The following PTPN20 variants were observed in gnomAD, a reference collection of about 807,000 sequenced individuals.
PTPN20 encodes the protein protein tyrosine phosphatase non-receptor type 20.
PTPN20 carries 9 observed loss-of-function variants against 35.0 expected under a neutral mutation model. The ratio of observed to expected loss-of-function variants is 0.26; its 90% CI spans 0.15 to 0.45. The LOEUF is 0.45. Among genes scored for constraint, PTPN20 ranks in the 20% least tolerant of loss-of-function variants. The pLI, the probability that PTPN20 is intolerant of heterozygous loss-of-function variation, is 1.00. For synonymous variants in PTPN20, 32 were observed against 100.2 expected (o/e 0.32, Z 4.06); for missense variants, 111 against 312.5 (o/e 0.36, Z 4.86).
At chr10:46,998,595 A>G (rs979185068) in intron 9 of PTPN20, among the ~76,000 whole-genome samples, 42 of 151,896 alleles carry the variant, frequency 2.8e-4, no homozygotes, top group Non-Finnish European at 4.9e-4. Flanking sequence ...CATATGATAT[A>G]ATTGCATGGA....
At chr10:46,919,339 AC>A (rs1353828175) in intron 1 of PTPN20, among the ~76,000 whole-genome samples, 2 of 148,974 alleles carry the variant, frequency 1.3e-5, no homozygotes, top group East Asian at 3.9e-4. Context: ...CGCTTGCCTT[AC>A]CTGTTCTTTA....
At chr10:46,928,174 A>T (rs1217609638) in intron 1 of PTPN20, among the ~76,000 whole-genome samples, 6 of 151,826 alleles carry the variant, frequency 4.0e-5, no homozygotes, top group Admixed American at 1.3e-4. Context: ...AGCATTGTTG[A>T]TATAGGGTCT....
chr10:46,932,266 T>C, intron 1 of PTPN20, 111 bp from the exon 2 acceptor site: 3 of 1,403,570 alleles, frequency 2.1e-6, no homozygotes, highest in Admixed American at 2.9e-5. Context: ...ATTTTGTCTT[T>C]AATTAAAATT....
At chr10:46,956,662 A>AG (rs1208751073) in intron 5 of PTPN20, among the ~76,000 whole-genome samples, 40 of 83,562 alleles carry the variant, frequency 4.8e-4, no homozygotes, top group African/African-American at 2.2e-3. Context: ...TTTGAAATCA[A>AG]GAAGTGTGAG....
At chr10:46,928,381 G>A (rs1167262993) in intron 1 of PTPN20, among the ~76,000 whole-genome samples, 1 of 151,016 alleles carries the variant, frequency 6.6e-6, no homozygotes, top group African/African-American at 2.4e-5. Flanking sequence ...TCTTTTTGTG[G>A]CTTTTTAAAA....
rs1260597302 is a variant in PTPN20, at chr10:47,001,015, A to G, written c.*274A>G. 1 of 516,966 alleles carries G rather than the reference A, an allele frequency of 1.9e-6. No individual in the cohort carries two copies. The highest frequency in any genetic ancestry group is 3.5e-6 in the Non-Finnish European group (1 of 284,940). The allele number at this position is 516,966 out of a possible 1,614,324, so 32.0% of individuals were successfully genotyped here. On this transcript the variant is annotated 3_prime_UTR_variant, in exon 11 of 11. Transcript: ENST00000374339. ...TACATAAAACGATTGCAGCTTGGCT[A>G]TTTGGTTGAAGGGATTACAGAGCCC...
At chr10:46,999,702 A>G (rs2059763845) in intron 9 of PTPN20, among the ~76,000 whole-genome samples, 1 of 152,186 alleles carries the variant, frequency 6.6e-6, no homozygotes, top group Non-Finnish European at 1.5e-5. Flanking sequence ...ATTTCTTATT[A>G]TGAATGATTG....
intron 1 of PTPN20, among the ~76,000 whole-genome samples, chr10:46,927,957 A>G (rs1555115208): frequency 6.6e-6 from 1 of 151,722 alleles, no homozygotes; most frequent in South Asian, 2.1e-4. Flanking sequence ...TGCCAAAGCA[A>G]TTTATATCAT....
At chr10:46,972,293 C>T (rs2052428515) in intron 7 of PTPN20, among the ~76,000 whole-genome samples, 2 of 152,082 alleles carry the variant, frequency 1.3e-5, no homozygotes, top group African/African-American at 4.8e-5. Context: ...AGACACTTCT[C>T]AGGGAAGATA....
chr10:46,999,940 T>C lies in PTPN20; in HGVS notation c.1163T>C (p.Met388Thr). The change falls in exon 10 of 11, where the codon ATG (methionine) becomes ACG (threonine). Residue 388 changes from methionine to threonine, a missense_variant. This residue lies in a region of PTPN20 where 61 missense variants were observed against 54.3 expected (regional missense o/e 1.12). Transcript: ENST00000374339. ...SFNIMDIVAQ[M>T]REQRSGMVQT... ...AACATCATGGATATAGTGGCCCAAA[T>C]GAGAGAACAACGTTCTGGCATGGTT... 1 of 1,613,776 alleles carries C rather than the reference T, an allele frequency of 6.2e-7. No homozygotes were observed. The highest frequency in any genetic ancestry group is 1.3e-5 in the African/African-American group (1 of 75,026).
intron 9 of PTPN20, among the ~76,000 whole-genome samples, chr10:46,988,967 G>T (rs2057396990): frequency 7.1e-6 from 1 of 139,972 alleles, no homozygotes; most frequent in Non-Finnish European, 1.5e-5. Context: ...TCCTGCAACT[G>T]TACTGAATTA....
At chr10:46,927,900 A>G (rs1216743179) in intron 1 of PTPN20, among the ~76,000 whole-genome samples, 1 of 151,672 alleles carries the variant, frequency 6.6e-6, no homozygotes, top group East Asian at 1.9e-4. Context: ...GTAAACAGAC[A>G]AATGGACAAA....
chr10:46,988,655 C>T (rs1310698192), intron 9 of PTPN20, among the ~76,000 whole-genome samples: 5 of 151,286 alleles, frequency 3.3e-5, no homozygotes, highest in Non-Finnish European at 7.4e-5. Context: ...ATGCAATGTT[C>T]TCCAGACTTG....
At chr10:46,999,236 C>T (rs2059684370) in intron 9 of PTPN20, among the ~76,000 whole-genome samples, 2 of 152,174 alleles carry the variant, frequency 1.3e-5, no homozygotes. Flanking sequence ...CATGTGTCCA[C>T]AATGTCTTGC....
At chr10:46,996,350 T>G (rs2137819475) in intron 9 of PTPN20, among the ~76,000 whole-genome samples, 1 of 152,360 alleles carries the variant, frequency 6.6e-6, no homozygotes, top group Admixed American at 6.5e-5. Context: ...GTGTCTTTTC[T>G]TAACTGAACA....
intron 1 of PTPN20, among the ~76,000 whole-genome samples, chr10:46,919,146 A>AT (rs1201134410): frequency 4.6e-5 from 7 of 151,426 alleles, no homozygotes; most frequent in East Asian, 3.9e-4. Context: ...TCTTTTTTCC[A>AT]TTTTTTTAGT....
chr10:46,919,157 T>C (rs2034199715), intron 1 of PTPN20, among the ~76,000 whole-genome samples: 1 of 152,104 alleles, frequency 6.6e-6, no homozygotes, highest in Admixed American at 6.5e-5. Flanking sequence ...TTTTTTTAGT[T>C]TATCAATGTC....
intron 5 of PTPN20, among the ~76,000 whole-genome samples, chr10:46,959,582 GCCTTACTGTCT>G (rs1359998269): frequency 3.7e-4 from 48 of 128,182 alleles, no homozygotes; most frequent in African/African-American, 1.5e-3. Context: ...ATTTTTTTTT[GCCTTACTGTCT>G]CCTTTTGTAT....
chr10:46,939,818 T>G (rs2042868674), intron 2 of PTPN20, among the ~76,000 whole-genome samples: 1 of 150,810 alleles, frequency 6.6e-6, no homozygotes, highest in Non-Finnish European at 1.5e-5. Flanking sequence ...ATAAAATTAA[T>G]TCATGTGTTA....
Sources: allele counts gnomAD v4.1 joint callset (sites outside exome capture counted in the v4.1 genomes callset), GRCh38; gene constraint gnomAD v4.1.1; regional missense constraint gnomAD v4.1.1; transcripts MANE v1.5; gene names NCBI Gene and HGNC (gene_info 2026-07-23, HGNC 2026-07-21).